Variants in CTBP1 observed in about 807,000 individuals in gnomAD.
The protein encoded by CTBP1 is C-terminal binding protein 1, also known as C-terminal-binding protein 1.
A neutral mutation model predicts 42.1 loss-of-function variants in CTBP1; 11 were observed. The observed-to-expected ratio is 0.26, with a 90% CI of 0.16 to 0.43. The LOEUF is 0.43. Among genes scored for constraint, CTBP1 ranks in the 20% least tolerant of loss-of-function variants. The probability of loss-of-function intolerance (pLI) is 1.00; values close to 1 mark genes in which losing one functional copy is unlikely to be tolerated. For synonymous variants in CTBP1, 324 were observed against 277.1 expected, an observed-to-expected ratio of 1.17 and a Z score of -1.68; for missense variants, 399 against 624.3, an observed-to-expected ratio of 0.64 and a Z score of 3.85.
At chr4:1,214,888 G>A (rs764377572) in intron 6 of CTBP1, among the ~76,000 whole-genome samples, 1 of 152,284 alleles carries the variant, frequency 6.6e-6, no homozygotes. Context: ...GTTCTGAGGC[G>A]TGGTCTTTGA....
chr4:1,245,235 G>C, intron 1 of CTBP1: 2 of 985,466 alleles, frequency 2.0e-6, no homozygotes, highest in Non-Finnish European at 2.4e-6. Flanking sequence ...ACAGCTCAGA[G>C]GACACAGCGC....
chr4:1,244,536 G>A (rs1228196353), intron 1 of CTBP1: 21 of 985,078 alleles, frequency 2.1e-5, no homozygotes, highest in East Asian at 1.1e-4. Context: ...CAACCGGTCC[G>A]CTCCCCTCCC....
chr4:1,224,323 T>C (rs760282349), intron 5 of CTBP1, among the ~76,000 whole-genome samples: 3 of 151,878 alleles, frequency 2.0e-5, no homozygotes, highest in Non-Finnish European at 4.4e-5. Flanking sequence ...TGTGCTGCGA[T>C]GTCCATGTGT....
chr4:1,237,836 G>A, intron 3 of CTBP1: 2 of 696,094 alleles, frequency 2.9e-6, no homozygotes, highest in Non-Finnish European at 5.2e-6. Flanking sequence ...TCCTGATGGG[G>A]CTCAGGGAAA....
chr4:1,246,536 G>C (rs921583513), intron 1 of CTBP1, among the ~76,000 whole-genome samples: 1 of 152,218 alleles, frequency 6.6e-6, no homozygotes, highest in Non-Finnish European at 1.5e-5. Context: ...GGAGCACCAG[G>C]GCACAGCCGG....
At chr4:1,244,095 G>A in intron 1 of CTBP1, 5 of 985,412 alleles carry the variant, frequency 5.1e-6, no homozygotes, top group Non-Finnish European at 4.8e-6. Flanking sequence ...CAAGTCCCGG[G>A]GGGCTGCACG....
chr4:1,245,793 G>A (rs1417044568), intron 1 of CTBP1, among the ~76,000 whole-genome samples: 3 of 152,096 alleles, frequency 2.0e-5, no homozygotes, highest in Non-Finnish European at 2.9e-5. Flanking sequence ...GGCCTGGAGA[G>A]TTAACGGCGG....
Position 1,212,534 on chromosome 4 carries a change from G to T in CTBP1, c.1107-111C>A. 5.2e-6 allele frequency: 5 copies of T among 963,968 alleles called. No homozygotes were observed. In the South Asian group the frequency reaches 9.5e-5, roughly 18 times the overall value. The allele number at this position is 963,968 out of a possible 1,614,324, so 59.7% of individuals were successfully genotyped here. A position where few individuals can be genotyped will look rare whatever the true frequency, so the allele number is the denominator to read the frequency against. Reference sequence around the variant, plus strand: ...GGGGGCCTCTCCAGGAGGACCAGCAGTCAGGGTAAGGATCCCGGCCTTTAC... The same window carrying T: ...GGGGGCCTCTCCAGGAGGACCAGCATTCAGGGTAAGGATCCCGGCCTTTAC... On this transcript the variant is annotated intron_variant, in intron 9 of 9. Transcript: ENST00000382952.
intron 1 of CTBP1, chr4:1,245,021 G>A (rs896052688): frequency 5.1e-6 from 5 of 985,458 alleles, no homozygotes; most frequent in Non-Finnish European, 6.0e-6. Context: ...GCAGCATGGA[G>A]CCACTGGGCT....
intron 5 of CTBP1, among the ~76,000 whole-genome samples, chr4:1,222,001 C>CT (rs1446566863): frequency 6.6e-6 from 1 of 152,218 alleles, no homozygotes; most frequent in Non-Finnish European, 1.5e-5. Flanking sequence ...GAGCCACACG[C>CT]TGCCCAGGGC....
intron 1 of CTBP1, chr4:1,242,114 T>A: frequency 1.0e-6 from 1 of 985,370 alleles, no homozygotes; most frequent in African/African-American, 1.7e-5. Context: ...CCAAAAAAAC[T>A]GCTCAGCTCT....
intron 6 of CTBP1, 80 bp from the exon 7 acceptor site, chr4:1,214,553 C>T (rs903402175): frequency 5.1e-5 from 75 of 1,477,382 alleles, no homozygotes; most frequent in South Asian, 3.8e-4. Context: ...TGGTCACGCA[C>T]GCCGTTGGGA....
chr4:1,225,591 CACCCCCGGGCCGGGCCCA>C (rs1451840349), intron 4 of CTBP1, 25 bp from the exon 5 acceptor site: 7 of 1,530,984 alleles, frequency 4.6e-6, no homozygotes, highest in Non-Finnish European at 6.1e-6. Flanking sequence ...ACACGGCGGT[CACCCCCGGGCCGGGCCCA>C]GCCTCCGGGA....
At chr4:1,214,250 G>A in intron 7 of CTBP1, 93 bp downstream of exon 7, 2 of 1,401,012 alleles carry the variant, frequency 1.4e-6, no homozygotes, top group Non-Finnish European at 1.9e-6. Context: ...GTACAGGCAA[G>A]TGTCCGGCCT....
At chr4:1,246,900 C>A (rs965262927) in intron 1 of CTBP1, among the ~76,000 whole-genome samples, 13 of 152,220 alleles carry the variant, frequency 8.5e-5, no homozygotes, top group African/African-American at 2.9e-4. Context: ...CTACAAATGT[C>A]CAAAGAGTGG....
intron 3 of CTBP1, chr4:1,236,150 A>C (rs1250107): frequency 0.78 from 121,583 of 156,734 alleles, 48,368 homozygotes; most frequent in South Asian, 0.91. Flanking sequence ...CCTGCAGGTT[A>C]TAGGCCTCTC....
intron 1 of CTBP1, among the ~76,000 whole-genome samples, chr4:1,247,818 G>A (rs987885065): frequency 6.6e-6 from 1 of 152,106 alleles, no homozygotes; most frequent in African/African-American, 2.4e-5. Flanking sequence ...CGCCGCCTCG[G>A]CCCTAGCTCC....
chr4:1,212,313 G>A lies in CTBP1; in HGVS notation c.1217C>T (p.Pro406Leu), dbSNP rs868716600. The A allele has an allele frequency of 3.3e-6, 5 of 1,523,126 alleles. No homozygotes were observed. The highest frequency in any genetic ancestry group is 1.4e-5 in the African/African-American group (1 of 69,734). The allele number at this position is 1,523,126 out of a possible 1,614,324, so 94.4% of individuals were successfully genotyped here. The change falls in exon 10 of 10, where the codon CCG becomes CTG. Residue 406 changes from proline (P) to leucine (L), a missense_variant. By Grantham distance (98) the Pro-to-Leu change is moderately conservative. Around this residue, in one of 4 missense-constraint regions of CTBP1, gnomAD observed 60 missense variants for 46.5 expected, o/e 1.29. Coordinates refer to ENST00000382952, the MANE Select transcript of CTBP1 (RefSeq NM_001012614.2). Reference sequence around the variant, plus strand: ...TTGGCCAGGAGAAGGGGCGTGGGGCGGGTGGGCCACAGGGGGCAGGCCGTG... The same window carrying A: ...TTGGCCAGGAGAAGGGGCGTGGGGCAGGTGGGCCACAGGGGGCAGGCCGTG... ...LSHGLPPVAH[P>L]PHAPSPGQTV...
At position 1,227,612 on chromosome 4, in the gene CTBP1, G is replaced by A. The variant is rs370138006; in HGVS notation, c.307+587C>T. On this transcript the variant is annotated intron_variant, in intron 4 of 9. Coordinates refer to ENST00000382952, the MANE Select transcript of CTBP1 (RefSeq NM_001012614.2). Reference sequence around the variant, plus strand: ...GTGTGCTGAGTGCATGTGCACGGGTGCAGATGAGTGTGCAAGATCCGTGTG... The same window carrying A: ...GTGTGCTGAGTGCATGTGCACGGGTACAGATGAGTGTGCAAGATCCGTGTG... 5.7e-4 allele frequency among the ~76,000 whole-genome samples: 85 copies of A among 149,578 alleles called. 1 individual carries two copies. In the South Asian group the frequency reaches 0.016, roughly 28 times the overall value.
Sources: gnomAD v4.1 joint callset for allele counts (sites outside exome capture counted in the v4.1 genomes callset) on GRCh38, gnomAD v4.1.1 for gene constraint, gnomAD v4.1.1 regional missense constraint, MANE v1.5 for transcripts, NCBI Gene and HGNC (gene_info 2026-07-23, HGNC 2026-07-21) for gene names.